Variants in SLC14A2 observed in about 807,000 individuals in gnomAD.
The protein encoded by SLC14A2 is solute carrier family 14 member 2.
In SLC14A2, 91 loss-of-function variants were observed where a neutral mutation model predicts 104.6. The observed-to-expected ratio is 0.87, with a 90% CI of 0.73 to 1.04. SLC14A2 has a LOEUF of 1.04. Ranked by LOEUF, SLC14A2 falls within the 50% of genes least tolerant of loss-of-function variation. The pLI is 0.00. For missense variants in SLC14A2, 1,189 were observed against 1,156.0 expected (o/e 1.03, Z -0.41); for synonymous variants, 476 against 466.4 (o/e 1.02, Z -0.27).
intron 19 of SLC14A2, among the ~76,000 whole-genome samples, chr18:45,680,658 T>A (rs2046298739): frequency 6.6e-6 from 1 of 152,182 alleles, no homozygotes; most frequent in African/African-American, 2.4e-5. Flanking sequence ...AACCACATAT[T>A]TAGGATCATT....
chr18:45,642,502 G>A (rs1282165193), intron 8 of SLC14A2, among the ~76,000 whole-genome samples: 2 of 152,186 alleles, frequency 1.3e-5, no homozygotes, highest in Admixed American at 6.5e-5. Context: ...GGGAAGAGGT[G>A]TTCCGGACAG....
At chr18:45,343,372 G>T (rs2085416567) in intron 1 of SLC14A2, among the ~76,000 whole-genome samples, 1 of 151,816 alleles carries the variant, frequency 6.6e-6, no homozygotes, top group African/African-American at 2.4e-5. Flanking sequence ...AGGGCGTCGG[G>T]GTGCTGCATG....
At chr18:45,274,499 A>G (rs991801644) in intron 1 of SLC14A2, among the ~76,000 whole-genome samples, 3 of 152,192 alleles carry the variant, frequency 2.0e-5, no homozygotes, top group Admixed American at 6.5e-5. Flanking sequence ...CACAAGGTCC[A>G]GGTTTTCCAA....
chr18:45,184,801 G>A, the SLC14A2 span, among the ~76,000 whole-genome samples: 1 of 152,190 alleles, frequency 6.6e-6, no homozygotes, highest in South Asian at 2.1e-4. Context: ...TCCAGAAGTA[G>A]AGCAGGTTTC....
chr18:45,652,946 A>T (rs2045765601), intron 10 of SLC14A2, among the ~76,000 whole-genome samples: 1 of 152,018 alleles, frequency 6.6e-6, no homozygotes, highest in African/African-American at 2.4e-5. Context: ...TGTCTTTTCA[A>T]ATTAATGACA....
chr18:45,466,685 A>G (rs1226303246), intron 1 of SLC14A2, among the ~76,000 whole-genome samples: 8 of 151,326 alleles, frequency 5.3e-5, no homozygotes, highest in Admixed American at 4.6e-4. Flanking sequence ...GTCATAAGAG[A>G]GAAGGCCAGC....
At chr18:45,313,284 C>T (rs1349785790) in intron 1 of SLC14A2, among the ~76,000 whole-genome samples, 1 of 152,126 alleles carries the variant, frequency 6.6e-6, no homozygotes, top group Admixed American at 6.5e-5. Flanking sequence ...CTGGGCTGGC[C>T]TCCCTTCCTG....
chr18:45,169,293 G>A, the SLC14A2 span, among the ~76,000 whole-genome samples: 1 of 152,184 alleles, frequency 6.6e-6, no homozygotes, highest in Non-Finnish European at 1.5e-5. Context: ...AGTGTGATCT[G>A]CTGTTGTATG....
At chr18:45,262,126 T>A (rs2084545618) in intron 1 of SLC14A2, among the ~76,000 whole-genome samples, 2 of 152,240 alleles carry the variant, frequency 1.3e-5, no homozygotes, top group Non-Finnish European at 2.9e-5. Flanking sequence ...GGTATCTCAT[T>A]GTGGTTTTGA....
At chr18:45,341,436 CAG>C (rs2085392720) in intron 1 of SLC14A2, among the ~76,000 whole-genome samples, 1 of 152,098 alleles carries the variant, frequency 6.6e-6, no homozygotes, top group Non-Finnish European at 1.5e-5. Flanking sequence ...TGAGGTTTAC[CAG>C]AGTGACACTG....
chr18:45,291,794 T>C (rs1292763227), intron 1 of SLC14A2, among the ~76,000 whole-genome samples: 15 of 148,092 alleles, frequency 1.0e-4, no homozygotes, highest in Admixed American at 1.0e-3. Context: ...TCAATCGAAT[T>C]GTCGTTGTGC....
At chr18:45,635,292 C>T (rs934102675) in intron 5 of SLC14A2, among the ~76,000 whole-genome samples, 86 of 152,314 alleles carry the variant, frequency 5.6e-4, no homozygotes, top group African/African-American at 1.9e-3. Context: ...TAAAGGCTAT[C>T]ACCCAACAGA....
intron 2 of SLC14A2, among the ~76,000 whole-genome samples, chr18:45,609,647 C>A (rs898588200): frequency 1.3e-5 from 2 of 152,182 alleles, no homozygotes; most frequent in African/African-American, 4.8e-5. Flanking sequence ...TTGGGCAAAT[C>A]AATAACCGAT....
At chr18:45,612,155 G>A (rs116936187), upstream of SLC14A2, among the ~76,000 whole-genome samples, 61 of 152,342 alleles carry the variant, frequency 4.0e-4, no homozygotes, top group East Asian at 0.011. Flanking sequence ...CTCTCAAGCA[G>A]TTGCTGCTGC....
intron 2 of SLC14A2, among the ~76,000 whole-genome samples, chr18:45,531,135 T>C (rs2043679007): frequency 6.6e-6 from 1 of 152,234 alleles, no homozygotes; most frequent in Non-Finnish European, 1.5e-5. Flanking sequence ...GTCTTTGCTA[T>C]TGTGAATAGT....
chr18:45,226,753 C>CATGT (rs1419457177), intron 1 of SLC14A2, among the ~76,000 whole-genome samples: 1 of 151,898 alleles, frequency 6.6e-6, no homozygotes, highest in Non-Finnish European at 1.5e-5. Flanking sequence ...CAACATGGCA[C>CATGT]ATGTATACAT....
At chr18:45,315,213 G>A (rs928021868) in intron 1 of SLC14A2, among the ~76,000 whole-genome samples, 2 of 152,184 alleles carry the variant, frequency 1.3e-5, no homozygotes, top group Non-Finnish European at 2.9e-5. Flanking sequence ...CATTGGAGTA[G>A]TGGGACAAGG....
chr18:45,462,446 C>T (rs1398880851), intron 1 of SLC14A2, among the ~76,000 whole-genome samples: 3 of 152,112 alleles, frequency 2.0e-5, no homozygotes, highest in African/African-American at 7.2e-5. Flanking sequence ...AGGGTCCCCT[C>T]GTGATGCTGC....
At chr18:45,440,697 A>G (rs1410296064) in intron 1 of SLC14A2, among the ~76,000 whole-genome samples, 4 of 152,340 alleles carry the variant, frequency 2.6e-5, no homozygotes, top group Non-Finnish European at 4.4e-5. Flanking sequence ...GATCTCTCTC[A>G]AAGCTTCCAT....
Sources: allele counts gnomAD v4.1 joint callset (sites outside exome capture counted in the v4.1 genomes callset), GRCh38; gene constraint gnomAD v4.1.1; transcripts MANE v1.5; gene names NCBI Gene and HGNC (gene_info 2026-07-23, HGNC 2026-07-21).